The following CSMD1 variants were observed in gnomAD, a reference collection of about 807,000 sequenced individuals.
The protein encoded by CSMD1 is CUB and Sushi multiple domains 1.
Under a neutral mutation model 417.5 loss-of-function variants are expected in CSMD1, and 213 were observed. That is an observed-to-expected ratio of 0.51 (90% confidence interval 0.46 to 0.57). The LOEUF (loss-of-function observed/expected upper bound fraction) is 0.57. Ranked by LOEUF, CSMD1 falls within the 20% of genes least tolerant of loss-of-function variation. The pLI, the probability that CSMD1 is intolerant of heterozygous loss-of-function variation, is 0.00. For synonymous variants in CSMD1, 2,862 were observed against 1,736.8 expected, an observed-to-expected ratio of 1.65 and a Z score of -16.11; for missense variants, 6,923 against 4,529.7, an observed-to-expected ratio of 1.53 and a Z score of -15.17.
chr8:3,458,606 T>C (rs1315698910), intron 12 of CSMD1, among the ~76,000 whole-genome samples: 1 of 152,234 alleles, frequency 6.6e-6, no homozygotes, highest in Non-Finnish European at 1.5e-5. Flanking sequence ...TTATTCGTCT[T>C]GCGTTAAGAC....
chr8:4,095,324 G>T (rs1361269219), intron 3 of CSMD1, among the ~76,000 whole-genome samples: 1 of 152,058 alleles, frequency 6.6e-6, no homozygotes, highest in South Asian at 2.1e-4. Context: ...TATAACATTT[G>T]CCACATTAGC....
intron 26 of CSMD1, 45 bp downstream of exon 26, chr8:3,284,099 A>G: frequency 1.4e-6 from 2 of 1,400,152 alleles, no homozygotes; most frequent in Non-Finnish European, 2.0e-6. Flanking sequence ...GTTCATGACA[A>G]GACTTTGATA....
chr8:4,948,192 T>C (rs752588166), intron 1 of CSMD1, among the ~76,000 whole-genome samples: 3 of 152,106 alleles, frequency 2.0e-5, no homozygotes, highest in Non-Finnish European at 4.4e-5. Context: ...TCGCTATTGC[T>C]ACAGGTCATA....
chr8:2,998,446 T>C (rs1316607711), intron 53 of CSMD1, among the ~76,000 whole-genome samples: 1 of 152,204 alleles, frequency 6.6e-6, no homozygotes, highest in African/African-American at 2.4e-5. Context: ...ATAATTATTA[T>C]TTCTCTCTTG....
chr8:3,445,235 T>C (rs1320979231), intron 12 of CSMD1, among the ~76,000 whole-genome samples: 1 of 152,244 alleles, frequency 6.6e-6, no homozygotes, highest in Non-Finnish European at 1.5e-5. Context: ...TTCAGTAGTC[T>C]GGGTTACGTT....
intron 4 of CSMD1, among the ~76,000 whole-genome samples, chr8:4,012,303 T>A (rs1816604296): frequency 6.6e-6 from 1 of 152,170 alleles, no homozygotes; most frequent in Admixed American, 6.5e-5. Flanking sequence ...TTTCATTTCA[T>A]CTTCCAATCC....
intron 10 of CSMD1, among the ~76,000 whole-genome samples, chr8:3,495,325 C>G (rs1259283442): frequency 6.6e-6 from 1 of 152,118 alleles, no homozygotes; most frequent in Non-Finnish European, 1.5e-5. Flanking sequence ...TAACTCAGTC[C>G]TGACTTGTTT....
At chr8:3,814,107 A>G (rs1801237072) in intron 5 of CSMD1, among the ~76,000 whole-genome samples, 1 of 152,198 alleles carries the variant, frequency 6.6e-6, no homozygotes, top group African/African-American at 2.4e-5. Flanking sequence ...TGAGATCAGA[A>G]CCCATGTTCT....
intron 1 of CSMD1, among the ~76,000 whole-genome samples, chr8:4,799,715 A>C (rs921406628): frequency 6.6e-6 from 1 of 151,978 alleles, no homozygotes; most frequent in Non-Finnish European, 1.5e-5. Context: ...TATTTATTAA[A>C]AACAAAATTG....
intron 23 of CSMD1, among the ~76,000 whole-genome samples, chr8:3,333,106 G>C (rs141003351): frequency 1.3e-5 from 2 of 152,174 alleles, no homozygotes; most frequent in African/African-American, 2.4e-5. Flanking sequence ...GCACCAAGGA[G>C]CTGGGAGTCT....
chr8:4,632,067 C>G (rs1423271562), intron 2 of CSMD1, among the ~76,000 whole-genome samples: 1 of 152,118 alleles, frequency 6.6e-6, no homozygotes, highest in African/African-American at 2.4e-5. Flanking sequence ...AATAAAACTT[C>G]AAATTTAGAA....
At chr8:3,061,712 C>G (rs1406158960) in intron 49 of CSMD1, among the ~76,000 whole-genome samples, 1 of 152,238 alleles carries the variant, frequency 6.6e-6, no homozygotes, top group Non-Finnish European at 1.5e-5. Flanking sequence ...TATGTTTCAA[C>G]ATTACTGCCT....
chr8:3,749,501 A>C (rs1269852447), intron 6 of CSMD1, among the ~76,000 whole-genome samples: 1 of 152,206 alleles, frequency 6.6e-6, no homozygotes, highest in Non-Finnish European at 1.5e-5. Context: ...CCGAGAATAA[A>C]GAATTTGGAG....
intron 1 of CSMD1, among the ~76,000 whole-genome samples, chr8:4,918,764 G>A (rs1022160735): frequency 6.6e-6 from 1 of 152,062 alleles, no homozygotes; most frequent in African/African-American, 2.4e-5. Context: ...ATGCAGGTAT[G>A]TGCATATGGA....
At chr8:3,076,059 GA>G (rs150360282) in intron 49 of CSMD1, among the ~76,000 whole-genome samples, 1,658 of 136,808 alleles carry the variant, frequency 0.012, 14 homozygotes, top group Non-Finnish European at 0.02. Context: ...TCAAAAAAAA[GA>G]AAAAAAAAAA....
intron 2 of CSMD1, among the ~76,000 whole-genome samples, chr8:4,452,101 G>A (rs541850904): frequency 2.0e-5 from 3 of 152,196 alleles, no homozygotes; most frequent in African/African-American, 4.8e-5. Context: ...GAAATTTAGG[G>A]CAGTGTGATG....
intron 26 of CSMD1, among the ~76,000 whole-genome samples, chr8:3,250,456 C>T (rs563677975): frequency 1.1e-4 from 17 of 152,270 alleles, no homozygotes; most frequent in South Asian, 4.1e-4. Flanking sequence ...TCCAGTCTGT[C>T]ATTGTTGGGC....
At chr8:3,286,133 A>C (rs1475326608) in intron 25 of CSMD1, among the ~76,000 whole-genome samples, 1 of 152,142 alleles carries the variant, frequency 6.6e-6, no homozygotes, top group Admixed American at 6.6e-5. Flanking sequence ...AGCTTCATCC[A>C]TGTCCCTACA....
At chr8:4,083,006 G>C (rs982950359) in intron 3 of CSMD1, among the ~76,000 whole-genome samples, 5 of 151,788 alleles carry the variant, frequency 3.3e-5, no homozygotes, top group African/African-American at 9.7e-5. Context: ...TCTTAATCCA[G>C]TCTATCATTG....
Sources: gnomAD v4.1 joint callset for allele counts (sites outside exome capture counted in the v4.1 genomes callset) on GRCh38, gnomAD v4.1.1 for gene constraint, MANE v1.5 for transcripts, NCBI Gene and HGNC (gene_info 2026-07-23, HGNC 2026-07-21) for gene names.